Variants in TRAPPC9 observed in about 807,000 individuals in gnomAD.
TRAPPC9 encodes the protein trafficking protein particle complex subunit 9, also known as IKK2 binding protein.
Under a neutral mutation model 124.0 loss-of-function variants are expected in TRAPPC9, and 83 were observed. That is an observed-to-expected ratio of 0.67 (90% confidence interval 0.56 to 0.80). The LOEUF (loss-of-function observed/expected upper bound fraction) is 0.80. Among genes scored for constraint, TRAPPC9 ranks in the 30% least tolerant of loss-of-function variants. The pLI is 0.00. For missense variants in TRAPPC9, 1,302 were observed against 1,508.3 expected, an observed-to-expected ratio of 0.86 and a Z score of 2.27; for synonymous variants, 638 against 617.5, an observed-to-expected ratio of 1.03 and a Z score of -0.49.
At position 139,778,080 on chromosome 8, in the gene TRAPPC9, A is replaced by T. The variant is rs187303812; in HGVS notation, c.3056-45878T>A. On this transcript the variant is annotated intron_variant, in intron 21 of 22. Coordinates refer to ENST00000438773, the MANE Select transcript of TRAPPC9 (RefSeq NM_001160372.4). ...AAGACACTGAAAGTACCCAAGGCTA[A>T]GGGCAAGAAACACTTGAGAAGTTAC... 7.8e-4 allele frequency among the ~76,000 whole-genome samples: 119 copies of T among 152,342 alleles called. 1 individual carries two copies. Among genetic ancestry groups the T allele is most frequent in the Admixed American group, 5.6e-3 (86 of 15,308 alleles).
intron 17 of TRAPPC9, among the ~76,000 whole-genome samples, chr8:140,061,350 T>C (rs1842600074): frequency 6.6e-6 from 1 of 152,190 alleles, no homozygotes; most frequent in Non-Finnish European, 1.5e-5. Context: ...TTAATTTTGA[T>C]TCTTCTAATC....
intron 11 of TRAPPC9, among the ~76,000 whole-genome samples, chr8:140,296,577 A>G (rs1348738060): frequency 6.6e-6 from 1 of 152,186 alleles, no homozygotes; most frequent in East Asian, 1.9e-4. Flanking sequence ...ACAATTTCTT[A>G]AGATTGAAAA....
At chr8:140,076,894 A>G (rs928956917) in intron 17 of TRAPPC9, among the ~76,000 whole-genome samples, 1 of 152,252 alleles carries the variant, frequency 6.6e-6, no homozygotes, top group Non-Finnish European at 1.5e-5. Context: ...AGCTGGGTAC[A>G]ATAGTTCACA....
intron 21 of TRAPPC9, among the ~76,000 whole-genome samples, chr8:139,732,751 T>C (rs1817922774): frequency 6.6e-6 from 1 of 152,196 alleles, no homozygotes; most frequent in African/African-American, 2.4e-5. Context: ...GCACTGTGTT[T>C]TCTTCATTCT....
intron 7 of TRAPPC9, among the ~76,000 whole-genome samples, chr8:140,379,833 C>T (rs926862510): frequency 1.3e-5 from 2 of 152,110 alleles, no homozygotes; most frequent in African/African-American, 4.8e-5. Flanking sequence ...ATGTAAGATG[C>T]CTTTCTTATT....
chr8:140,021,970 G>A (rs1037014069), intron 18 of TRAPPC9, among the ~76,000 whole-genome samples: 3 of 152,226 alleles, frequency 2.0e-5, no homozygotes, highest in Non-Finnish European at 2.9e-5. Context: ...CAGCAATGGC[G>A]AGGAGCAAAG....
intron 21 of TRAPPC9, among the ~76,000 whole-genome samples, chr8:139,801,079 CCTCCAGTAT>C (rs1214532629): frequency 1.3e-5 from 2 of 151,826 alleles, no homozygotes; most frequent in African/African-American, 4.8e-5. Flanking sequence ...ATCTTCCCTC[CCTCCAGTAT>C]CTTCCCTCCC....
chr8:139,954,895 C>T (rs1367082716), intron 19 of TRAPPC9, among the ~76,000 whole-genome samples: 4 of 152,188 alleles, frequency 2.6e-5, no homozygotes, highest in East Asian at 1.9e-4. Flanking sequence ...TGTCCATATA[C>T]GTTCACAATT....
At chr8:140,351,369 T>C (rs2067569944) in intron 9 of TRAPPC9, among the ~76,000 whole-genome samples, 1 of 143,424 alleles carries the variant, frequency 7.0e-6, no homozygotes, top group African/African-American at 2.5e-5. Flanking sequence ...GTGCTGAACG[T>C]GTGTAGTTTT....
At chr8:140,406,066 T>C (rs1436366935) in intron 5 of TRAPPC9, among the ~76,000 whole-genome samples, 1 of 152,010 alleles carries the variant, frequency 6.6e-6, no homozygotes, top group African/African-American at 2.4e-5. Context: ...CCACCCCGCA[T>C]CCTCAAAGGA....
At chr8:140,109,723 T>C (rs1358249664) in intron 17 of TRAPPC9, among the ~76,000 whole-genome samples, 1 of 152,312 alleles carries the variant, frequency 6.6e-6, no homozygotes, top group Non-Finnish European at 1.5e-5. Context: ...GGGCAAGTTA[T>C]TGAACCTCTC....
chr8:140,368,604 C>A (rs1424080734), intron 8 of TRAPPC9, among the ~76,000 whole-genome samples: 1 of 152,186 alleles, frequency 6.6e-6, no homozygotes, highest in Non-Finnish European at 1.5e-5. Context: ...CAGACCACAG[C>A]AGTCCAGAGC....
In TRAPPC9 at chr8:140,005,923, AAGGAGG is replaced by A. The variant is rs1259813443; in HGVS notation, c.2700-17093_2700-17088del. On this transcript the variant is annotated intron_variant, in intron 18 of 22. Transcript: ENST00000438773. ...AGACCCTGTCTAAAAAAAAAAAAAA[AAGGAGG>A]AGGAGGAGGAGGAGGAAGGAAAATG... Among the ~76,000 whole-genome samples the A allele has an allele frequency of 2.4e-3, 360 of 151,450 alleles. 2 individuals are homozygous for A. Among genetic ancestry groups the A allele is most frequent in the Middle Eastern group, 6.9e-3 (2 of 290 alleles).
At chr8:139,914,492 G>A (rs901135503) in intron 19 of TRAPPC9, among the ~76,000 whole-genome samples, 16 of 152,232 alleles carry the variant, frequency 1.1e-4, no homozygotes, top group Non-Finnish European at 2.1e-4. Context: ...GGGAGATGGC[G>A]GCAGGCTTCA....
At chr8:139,928,491 C>CA (rs112802756) in intron 19 of TRAPPC9, among the ~76,000 whole-genome samples, 12,412 of 140,848 alleles carry the variant, frequency 0.088, 597 homozygotes, top group African/African-American at 0.12. Context: ...GACTCCATCT[C>CA]AAAAAAAAAA....
chr8:140,302,411 G>A (rs12156395), intron 10 of TRAPPC9, among the ~76,000 whole-genome samples: 42,198 of 152,086 alleles, frequency 0.28, 6,179 homozygotes, highest in Middle Eastern at 0.4. Flanking sequence ...CTGAGGACAG[G>A]GGCACCAGGA....
At chr8:139,828,142 G>A (rs1825759864) in intron 21 of TRAPPC9, among the ~76,000 whole-genome samples, 2 of 151,990 alleles carry the variant, frequency 1.3e-5, no homozygotes, top group Non-Finnish European at 1.5e-5. Context: ...AAGCTTCCCC[G>A]ATGGGTCTGG....
chr8:140,134,110 A>AT (rs2061253248), intron 17 of TRAPPC9, among the ~76,000 whole-genome samples: 2 of 152,206 alleles, frequency 1.3e-5, no homozygotes, highest in Admixed American at 1.3e-4. Context: ...AAAAAGAACA[A>AT]AGTTAGAGGA....
At chr8:140,381,731 A>G (rs1442335790) in intron 7 of TRAPPC9, among the ~76,000 whole-genome samples, 1 of 150,724 alleles carries the variant, frequency 6.6e-6, no homozygotes, top group Non-Finnish European at 1.5e-5. Flanking sequence ...GCCATGAGGG[A>G]AATGTAAATC....
Sources: allele counts gnomAD v4.1 joint callset (sites outside exome capture counted in the v4.1 genomes callset), GRCh38; gene constraint gnomAD v4.1.1; transcripts MANE v1.5; gene names NCBI Gene and HGNC (gene_info 2026-07-23, HGNC 2026-07-21).